SIPA1L1: variants seen among roughly 807,000 people sequenced by gnomAD.
SIPA1L1 encodes signal-induced proliferation-associated 1-like protein 1.
In SIPA1L1, 26 loss-of-function variants were observed where a neutral mutation model predicts 162.7. The ratio of observed to expected loss-of-function variants is 0.16; its 90% CI spans 0.12 to 0.22. SIPA1L1 has a LOEUF of 0.22. Among genes scored for constraint, SIPA1L1 ranks in the 10% least tolerant of loss-of-function variants. The pLI, the probability that SIPA1L1 is intolerant of heterozygous loss-of-function variation, is 1.00. For missense variants in SIPA1L1, 1,874 were observed against 2,241.0 expected, an observed-to-expected ratio of 0.84 and a Z score of 3.31; for synonymous variants, 829 against 837.4, an observed-to-expected ratio of 0.99 and a Z score of 0.17.
At chr14:71,417,663 A>AG (rs568775082) in intron 2 of SIPA1L1, among the ~76,000 whole-genome samples, 92 of 151,906 alleles carry the variant, frequency 6.1e-4, no homozygotes, top group African/African-American at 2.1e-3. Context: ...AGGAGGAGGA[A>AG]GGGGAGGCAG....
chr14:71,666,735 A>G (rs1386617186), intron 10 of SIPA1L1, among the ~76,000 whole-genome samples: 1 of 152,126 alleles, frequency 6.6e-6, no homozygotes, highest in Non-Finnish European at 1.5e-5. Context: ...AATTAGACCA[A>G]ATTGTTAAAC....
intron 13 of SIPA1L1, among the ~76,000 whole-genome samples, chr14:71,688,957 C>T (rs1444755046): frequency 6.6e-6 from 1 of 152,180 alleles, no homozygotes; most frequent in Non-Finnish European, 1.5e-5. Flanking sequence ...AAGTCTACTC[C>T]TCCAGTGCTC....
chr14:71,352,888 G>A (rs770474139), intron 2 of SIPA1L1, among the ~76,000 whole-genome samples: 2 of 152,170 alleles, frequency 1.3e-5, no homozygotes, highest in African/African-American at 2.4e-5. Flanking sequence ...TAGCTGTTCC[G>A]GTAGTTGTGT....
chr14:71,513,184 C>T (rs180917387), intron 3 of SIPA1L1, among the ~76,000 whole-genome samples: 2 of 152,136 alleles, frequency 1.3e-5, no homozygotes, highest in African/African-American at 4.8e-5. Context: ...CAGAGTTTGG[C>T]GTTCTTCATC....
At chr14:71,461,052 T>A (rs939937543) in intron 2 of SIPA1L1, among the ~76,000 whole-genome samples, 1 of 152,176 alleles carries the variant, frequency 6.6e-6, no homozygotes, top group East Asian at 1.9e-4. Flanking sequence ...GAATACCATG[T>A]TGGTGGATAA....
At chr14:71,436,341 G>T (rs2044375947) in intron 2 of SIPA1L1, among the ~76,000 whole-genome samples, 1 of 152,004 alleles carries the variant, frequency 6.6e-6, no homozygotes, top group South Asian at 2.1e-4. Flanking sequence ...TCTTACTTAG[G>T]TCTTAGGCTC....
At chr14:71,495,591 G>A (rs1027937168) in intron 2 of SIPA1L1, among the ~76,000 whole-genome samples, 1 of 151,532 alleles carries the variant, frequency 6.6e-6, no homozygotes, top group Non-Finnish European at 1.5e-5. Context: ...CCAGCTTTTG[G>A]TTTTATTGAC....
intron 2 of SIPA1L1, among the ~76,000 whole-genome samples, chr14:71,423,399 C>A (rs1335634798): frequency 6.6e-6 from 1 of 152,034 alleles, no homozygotes; most frequent in Non-Finnish European, 1.5e-5. Context: ...AAAACATTGC[C>A]AAAGCCAGTG....
intron 4 of SIPA1L1, among the ~76,000 whole-genome samples, chr14:71,562,037 C>CT (rs1180794104): frequency 2.0e-5 from 3 of 152,018 alleles, no homozygotes; most frequent in African/African-American, 7.2e-5. Flanking sequence ...TAGCCATAGA[C>CT]GTCACCTCAC....
chr14:71,726,888 C>G (rs531017773), intron 19 of SIPA1L1, among the ~76,000 whole-genome samples: 1 of 152,146 alleles, frequency 6.6e-6, no homozygotes, highest in South Asian at 2.1e-4. Flanking sequence ...TTCCAGGCCA[C>G]TCCTGGCTCA....
intron 22 of SIPA1L1, among the ~76,000 whole-genome samples, chr14:71,736,947 C>G (rs1174394396): frequency 6.6e-6 from 1 of 152,262 alleles, no homozygotes; most frequent in Non-Finnish European, 1.5e-5. Flanking sequence ...CCGGCCCCAG[C>G]CTCGTTGTGT....
At chr14:71,422,253 C>G (rs1240045677) in intron 2 of SIPA1L1, among the ~76,000 whole-genome samples, 1 of 152,080 alleles carries the variant, frequency 6.6e-6, no homozygotes, top group African/African-American at 2.4e-5. Context: ...TGTATTCTTC[C>G]ATTTGATTAG....
At chr14:71,502,723 A>G (rs779413150) in intron 2 of SIPA1L1, among the ~76,000 whole-genome samples, 27 of 152,146 alleles carry the variant, frequency 1.8e-4, no homozygotes, top group Non-Finnish European at 7.3e-5. Flanking sequence ...ACATTAGTGC[A>G]AATGTAGTTA....
chr14:71,325,779 C>T (rs2033720091), intron 2 of SIPA1L1, among the ~76,000 whole-genome samples: 1 of 152,064 alleles, frequency 6.6e-6, no homozygotes, highest in African/African-American at 2.4e-5. Flanking sequence ...GAAATTTCAA[C>T]CTGTAGATTT....
intron 2 of SIPA1L1, among the ~76,000 whole-genome samples, chr14:71,396,071 ATC>A (rs2041170299): frequency 6.6e-6 from 1 of 151,940 alleles, no homozygotes; most frequent in African/African-American, 2.4e-5. Context: ...TTCTTGTCCT[ATC>A]TTGCTTAAGG....
chr14:71,581,134 C>T (rs1314798523), intron 4 of SIPA1L1, among the ~76,000 whole-genome samples: 2 of 151,488 alleles, frequency 1.3e-5, no homozygotes, highest in African/African-American at 4.9e-5. Context: ...TAAGTGAGTC[C>T]ATGGTCAAAT....
At chr14:71,703,785 T>C (rs2082255278) in intron 15 of SIPA1L1, among the ~76,000 whole-genome samples, 2 of 152,158 alleles carry the variant, frequency 1.3e-5, no homozygotes, top group Non-Finnish European at 2.9e-5. Flanking sequence ...TGCCTCCCAC[T>C]CTCGGGAAGT....
intron 5 of SIPA1L1, among the ~76,000 whole-genome samples, chr14:71,590,036 AAAAAAAAAATATATATATATAT>A (rs1371874466): frequency 8.1e-5 from 6 of 74,368 alleles, no homozygotes; most frequent in Admixed American, 1.9e-4. Flanking sequence ...AAAAAAAAAA[AAAAAAAAAATATATATATATAT>A]ATATATATAT....
chr14:71,686,924 G>T (rs2149588838), intron 13 of SIPA1L1, among the ~76,000 whole-genome samples: 1 of 152,326 alleles, frequency 6.6e-6, no homozygotes, highest in Middle Eastern at 3.4e-3. Context: ...GGAGCAGGGT[G>T]CTGAGGAAAA....
Sources: gnomAD v4.1 joint callset for allele counts (sites outside exome capture counted in the v4.1 genomes callset) on GRCh38, gnomAD v4.1.1 for gene constraint, MANE v1.5 for transcripts, NCBI Gene and HGNC (gene_info 2026-07-23, HGNC 2026-07-21) for gene names.